Variants in USP8 observed in about 807,000 individuals in gnomAD.
USP8 encodes the protein ubiquitin specific peptidase 8.
In USP8, 27 loss-of-function variants were observed where a neutral mutation model predicts 130.0. That is an observed-to-expected ratio of 0.21 (90% CI 0.15 to 0.29). USP8 has a LOEUF of 0.29. Ranked by LOEUF, USP8 falls within the 10% of genes least tolerant of loss-of-function variation. The pLI is 1.00. For synonymous variants in USP8, 392 were observed against 444.1 expected (o/e 0.88, Z 1.48); for missense variants, 1,029 against 1,312.2 (o/e 0.78, Z 3.33).
At chr15:50,484,982 AAG>A (rs1485505588) in intron 12 of USP8, among the ~76,000 whole-genome samples, 1 of 152,174 alleles carries the variant, frequency 6.6e-6, no homozygotes, top group Non-Finnish European at 1.5e-5. Flanking sequence ...GAGCTGGAGA[AAG>A]GGGAAATGGG....
In USP8 at chr15:50,505,260, A is replaced by C. The variant is rs181603085; in HGVS notation, c.*6172A>C. 2 of 152,298 alleles carry C rather than the reference A, an allele frequency of 1.3e-5. No individual in the cohort carries two copies. The highest frequency in any genetic ancestry group is 1.3e-4 in the Admixed American group (2 of 15,296). 9.4% of individuals were successfully genotyped at this position (152,298 alleles called of 1,614,324 possible). ...ATAATACTGCAGAACAACAGAGACA[A>C]AGAGAAAAAGCTTAAAAGCAACCAG... is the stretch of plus-strand genomic sequence containing the variant. On this transcript the variant is annotated 3_prime_UTR_variant, in exon 20 of 20. Transcript: ENST00000307179.
chr15:50,484,410 A>G (rs2051882870), intron 12 of USP8, 49 bp downstream of exon 12: 1 of 1,384,422 alleles, frequency 7.2e-7, no homozygotes, highest in East Asian at 2.3e-5. Context: ...CCAAACATGG[A>G]TTATAACTAT....
intron 4 of USP8, among the ~76,000 whole-genome samples, chr15:50,453,562 A>G (rs992999337): frequency 2.6e-5 from 4 of 152,216 alleles, no homozygotes; most frequent in African/African-American, 4.8e-5. Flanking sequence ...TGAACGTACC[A>G]TGTGCACTTG....
Position 50,503,184 on chromosome 15 carries a change from C to T in USP8, c.*4096C>T, listed in dbSNP as rs112528453. On this transcript the variant is annotated 3_prime_UTR_variant, in exon 20 of 20. Transcript: ENST00000307179. ...CCAACATGGTGAAAATCCATCTCTT[C>T]TAAAAATATAAAAATTAGCTGGGCA... The T allele has an allele frequency of 6.6e-6, 1 of 152,168 alleles. No individual in the cohort carries two copies. Among genetic ancestry groups the T allele is most frequent in the Non-Finnish European group, 1.5e-5 (1 of 68,060 alleles). The allele number at this position is 152,168 out of a possible 1,614,324, so 9.4% of individuals were successfully genotyped here.
intron 3 of USP8, among the ~76,000 whole-genome samples, chr15:50,446,614 A>G (rs960425483): frequency 1.3e-5 from 2 of 152,192 alleles, no homozygotes; most frequent in African/African-American, 4.8e-5. Flanking sequence ...AACTGAAATT[A>G]TTGTAATGTT....
At chr15:50,492,678 C>G (rs2052221916) in intron 14 of USP8, 23 bp from the exon 15 acceptor site, 1 of 1,607,748 alleles carries the variant, frequency 6.2e-7, no homozygotes, top group African/African-American at 1.3e-5. Context: ...TTTAAGACAT[C>G]TTGTATCCTT....
intron 7 of USP8, among the ~76,000 whole-genome samples, chr15:50,467,317 T>A (rs1370201537): frequency 2.0e-5 from 3 of 152,194 alleles, no homozygotes; most frequent in Non-Finnish European, 4.4e-5. Context: ...ACTATGAAAC[T>A]CAAGATGATT....
intron 4 of USP8, among the ~76,000 whole-genome samples, chr15:50,455,016 A>AAAAT (rs1341262335): frequency 6.6e-6 from 1 of 151,262 alleles, no homozygotes; most frequent in Non-Finnish European, 1.5e-5. Context: ...CTGACTCTTT[A>AAAAT]CTTTGTCATC....
At chr15:50,431,891 G>C (rs927378391) in intron 1 of USP8, among the ~76,000 whole-genome samples, 6 of 151,922 alleles carry the variant, frequency 3.9e-5, no homozygotes, top group Admixed American at 3.9e-4. Flanking sequence ...TCTGACCTCA[G>C]GTGATCTGCC....
At chr15:50,469,481 A>G (rs1160731137) in intron 7 of USP8, among the ~76,000 whole-genome samples, 1 of 152,178 alleles carries the variant, frequency 6.6e-6, no homozygotes, top group Non-Finnish European at 1.5e-5. Context: ...AATAGTCTTT[A>G]AGAATATCAC....
At chr15:50,470,545 T>C (rs146791916) in intron 7 of USP8, among the ~76,000 whole-genome samples, 1 of 150,490 alleles carries the variant, frequency 6.6e-6, no homozygotes, top group Admixed American at 6.6e-5. Context: ...TAGTTAGAGA[T>C]GAGGACATTG....
chr15:50,467,364 G>C (rs979585395), intron 7 of USP8, among the ~76,000 whole-genome samples: 8 of 152,114 alleles, frequency 5.3e-5, no homozygotes, highest in Non-Finnish European at 1.0e-4. Flanking sequence ...AATGCATACT[G>C]AGAAAATTAT....
At position 50,509,186 on chromosome 15, in the gene USP8, T is replaced by G. The variant is rs1027592840; in HGVS notation, c.*10098T>G. Reference sequence around the variant, plus strand: ...ATTACAAAATTAGCTGGACATGGTGTTGTGCCTGTAGTTCCATCTACTTGG... The same window carrying G: ...ATTACAAAATTAGCTGGACATGGTGGTGTGCCTGTAGTTCCATCTACTTGG... On this transcript the variant is annotated 3_prime_UTR_variant, in exon 20 of 20. Transcript: ENST00000307179. 3 of 144,208 alleles carry G rather than the reference T, an allele frequency of 2.1e-5. No individual in the cohort carries two copies. Among genetic ancestry groups the G allele is most frequent in the South Asian group, 4.4e-4 (2 of 4,544 alleles). The allele number at this position is 144,208 out of a possible 1,614,324, so 8.9% of individuals were successfully genotyped here.
chr15:50,428,550 T>C (rs1567591823), intron 1 of USP8, among the ~76,000 whole-genome samples: 1 of 152,194 alleles, frequency 6.6e-6, no homozygotes, highest in African/African-American at 2.4e-5. Flanking sequence ...ATATATACAT[T>C]TTTATGATAA....
chr15:50,494,362 C>A, intron 16 of USP8, 82 bp downstream of exon 16: 1 of 1,232,548 alleles, frequency 8.1e-7, no homozygotes, highest in Non-Finnish European at 1.1e-6. Flanking sequence ...GTTTAAAATT[C>A]TAGTTGGTGA....
Position 50,494,058 on chromosome 15 carries a change from T to G in USP8, c.2448-12T>G. 6.3e-7 allele frequency: 1 copy of G among 1,596,490 alleles called. No homozygotes were observed. Among genetic ancestry groups the G allele is most frequent in the Non-Finnish European group, 8.5e-7 (1 of 1,174,474 alleles). ...CCTTTATTGTCTTTTGTAACAACTT[T>G]TATTTGCACAGGTCAAATTTGTTGG... is the stretch of plus-strand genomic sequence containing the variant. On this transcript the variant is annotated splice_polypyrimidine_tract_variant and intron_variant, in intron 15 of 19. Coordinates refer to ENST00000307179, the MANE Select transcript of USP8 (RefSeq NM_005154.5).
At position 50,500,104 on chromosome 15, in the gene USP8, C is replaced by G. The variant is rs1285529638; in HGVS notation, c.*1016C>G. 1 of 152,056 alleles carries G rather than the reference C, an allele frequency of 6.6e-6. No individual in the cohort carries two copies. The highest frequency in any genetic ancestry group is 1.5e-5 in the Non-Finnish European group (1 of 68,030). 9.4% of individuals were successfully genotyped at this position (152,056 alleles called of 1,614,324 possible). On this transcript the variant is annotated 3_prime_UTR_variant, in exon 20 of 20. Coordinates refer to ENST00000307179, the MANE Select transcript of USP8 (RefSeq NM_005154.5). ...AAACACTCCATATAAAAATAAGATTCTAAAAGTGCTTCAGAAAGAGACCAC... is the reference window on the plus strand; with the variant it reads ...AAACACTCCATATAAAAATAAGATTGTAAAAGTGCTTCAGAAAGAGACCAC...
intron 1 of USP8, among the ~76,000 whole-genome samples, chr15:50,428,348 C>G (rs1268275147): frequency 6.6e-6 from 1 of 152,144 alleles, no homozygotes; most frequent in Non-Finnish European, 1.5e-5. Context: ...AACTCCTGAG[C>G]TCAGGCAATC....
In USP8 at chr15:50,476,865, T is replaced by C; in HGVS notation, c.866T>C (p.Val289Ala). ...DALFKWESKT[V>A]LRNEPLVLEG... ...TATTTATAGTGGGAAAGTAAAACTG[T>C]CCTGCGCAATGAGCCTTTGGTTTTA... The change falls in exon 9 of 20, where the codon GTC becomes GCC. Residue 289 changes from valine to alanine, a missense_variant. Physicochemically the swap from Val to Ala is moderately conservative, Grantham distance 64 (BLOSUM62 0). This residue lies in a region of USP8 where 281 missense variants were observed against 336.7 expected (regional missense o/e 0.83). Transcript: ENST00000307179. The C allele has an allele frequency of 4.4e-6, 7 of 1,584,794 alleles. No homozygotes were observed. The highest frequency in any genetic ancestry group is 5.1e-6 in the Non-Finnish European group (6 of 1,173,862).
Sources: gnomAD v4.1 joint callset for allele counts (sites outside exome capture counted in the v4.1 genomes callset) on GRCh38, gnomAD v4.1.1 for gene constraint, gnomAD v4.1.1 regional missense constraint, MANE v1.5 for transcripts, NCBI Gene and HGNC (gene_info 2026-07-23, HGNC 2026-07-21) for gene names.